The following ANKRD6 variants were observed in gnomAD, a reference collection of about 807,000 sequenced individuals.
The protein encoded by ANKRD6 is ankyrin repeat domain 6.
A neutral mutation model predicts 82.3 loss-of-function variants in ANKRD6; 56 were observed. The observed-to-expected ratio is 0.68, with a 90% CI of 0.55 to 0.85. The LOEUF (loss-of-function observed/expected upper bound fraction) is 0.85, where lower values mean the gene tolerates loss of function less well. ANKRD6 is among the 40% of genes least tolerant of loss of function. The pLI is 0.00. For synonymous variants in ANKRD6, 347 were observed against 352.1 expected, an observed-to-expected ratio of 0.99 and a Z score of 0.16; for missense variants, 852 against 907.6, an observed-to-expected ratio of 0.94 and a Z score of 0.79.
At chr6:89,499,334 C>CT (rs1779004904) in intron 1 of ANKRD6, among the ~76,000 whole-genome samples, 2 of 152,182 alleles carry the variant, frequency 1.3e-5, no homozygotes, top group Non-Finnish European at 2.9e-5. Context: ...AAAGAAGCCT[C>CT]TATTTTGTGA....
At chr6:89,588,236 C>A (rs554652272) in intron 2 of ANKRD6, among the ~76,000 whole-genome samples, 3 of 152,326 alleles carry the variant, frequency 2.0e-5, no homozygotes, top group African/African-American at 7.2e-5. Context: ...GAATTCATTT[C>A]ATCTCTTCAG....
chr6:89,481,451 A>AC (rs1200126647), intron 1 of ANKRD6, among the ~76,000 whole-genome samples: 7 of 148,254 alleles, frequency 4.7e-5, no homozygotes, highest in Non-Finnish European at 9.0e-5. Context: ...ATATTCCCCA[A>AC]CCCCCCAAAA....
intron 1 of ANKRD6, among the ~76,000 whole-genome samples, chr6:89,467,698 C>G (rs1483596764): frequency 6.6e-6 from 1 of 152,126 alleles, no homozygotes; most frequent in Non-Finnish European, 1.5e-5. Context: ...GCAGCAGTTC[C>G]AAAAGATTTA....
intron 3 of ANKRD6, chr6:89,602,050 G>T (rs1199907802): frequency 6.6e-6 from 1 of 152,184 alleles, no homozygotes; most frequent in African/African-American, 2.4e-5. Flanking sequence ...CACACCTGAG[G>T]TCCAGCAGGG....
chr6:89,547,625 T>A (rs1415315029), intron 1 of ANKRD6, among the ~76,000 whole-genome samples: 1 of 152,174 alleles, frequency 6.6e-6, no homozygotes, highest in Admixed American at 6.5e-5. Context: ...GTTTCTCTGC[T>A]TGTGGATATT....
rs1183702786 is a variant in ANKRD6 at position 89,596,644 on chromosome 6, A to T, written c.219+630A>T. Among the ~76,000 whole-genome samples the T allele has an allele frequency of 6.6e-5, 10 of 152,274 alleles. No individual in the cohort carries two copies. The South Asian group carries it at 1.4e-3, about 22-fold the overall frequency. ...CTGAGTCTATTCATTCAGGTTATCT[A>T]GAGATGGACTCTGATTGGCTCCTCT... On this transcript the variant is annotated intron_variant, in intron 3 of 15. Transcript: ENST00000339746.
At chr6:89,578,846 G>A (rs1176607436) in intron 2 of ANKRD6, among the ~76,000 whole-genome samples, 1 of 152,154 alleles carries the variant, frequency 6.6e-6, no homozygotes, top group African/African-American at 2.4e-5. Flanking sequence ...CAAAGAAGTA[G>A]TAGGTGCTAG....
At chr6:89,538,396 T>A (rs1207534001) in intron 1 of ANKRD6, among the ~76,000 whole-genome samples, 1 of 152,190 alleles carries the variant, frequency 6.6e-6, no homozygotes, top group Non-Finnish European at 1.5e-5. Context: ...TCCAAGCACA[T>A]GAGCATCATC....
chr6:89,472,744 C>T (rs1393410493), intron 1 of ANKRD6, among the ~76,000 whole-genome samples: 5 of 152,068 alleles, frequency 3.3e-5, no homozygotes, highest in Non-Finnish European at 7.4e-5. Context: ...CTGCCTTGGC[C>T]CTGTGAACTG....
chr6:89,442,684 G>A (rs999181251), intron 1 of ANKRD6, among the ~76,000 whole-genome samples: 2 of 151,178 alleles, frequency 1.3e-5, no homozygotes, highest in African/African-American at 2.4e-5. Context: ...TGTGAGGTGT[G>A]TATTGGTTTG....
intron 1 of ANKRD6, among the ~76,000 whole-genome samples, chr6:89,519,613 T>C (rs377154757): frequency 6.6e-6 from 1 of 152,200 alleles, no homozygotes; most frequent in African/African-American, 2.4e-5. Context: ...AAGTAGGCAG[T>C]TGGCTATTTG....
intron 1 of ANKRD6, among the ~76,000 whole-genome samples, chr6:89,471,939 C>CA (rs749607605): frequency 0.56 from 29,616 of 52,680 alleles, 9,022 homozygotes; most frequent in East Asian, 0.8. Context: ...AACTCCATCT[C>CA]AAAAAAAAAA....
At chr6:89,598,994 C>T (rs1322178862) in intron 3 of ANKRD6, among the ~76,000 whole-genome samples, 4 of 152,146 alleles carry the variant, frequency 2.6e-5, no homozygotes, top group Non-Finnish European at 5.9e-5. Flanking sequence ...CTGGTCCAAG[C>T]ATGCTGTCCT....
chr6:89,468,768 G>C (rs1290637244), intron 1 of ANKRD6, among the ~76,000 whole-genome samples: 2 of 152,040 alleles, frequency 1.3e-5, no homozygotes, highest in African/African-American at 2.4e-5. Context: ...AGAATTTTTA[G>C]TAGTATTTTG....
chr6:89,580,938 C>T (rs1792377426), intron 2 of ANKRD6, among the ~76,000 whole-genome samples: 1 of 152,032 alleles, frequency 6.6e-6, no homozygotes, highest in Admixed American at 6.6e-5. Flanking sequence ...CATGCTCCTT[C>T]CAAAGGACCC....
chr6:89,550,084 C>G (rs1785632266), intron 1 of ANKRD6, among the ~76,000 whole-genome samples: 1 of 151,766 alleles, frequency 6.6e-6, no homozygotes, highest in Admixed American at 6.6e-5. Flanking sequence ...CAATGAGATT[C>G]AGTCTTTAAA....
chr6:89,606,567 C>CT (rs1798676424), intron 5 of ANKRD6, among the ~76,000 whole-genome samples: 1 of 152,058 alleles, frequency 6.6e-6, no homozygotes, highest in African/African-American at 2.4e-5. Context: ...TAAAATGGTC[C>CT]TTTTTTGGCC....
At chr6:89,496,453 CAGG>C (rs2127863732) in intron 1 of ANKRD6, among the ~76,000 whole-genome samples, 1 of 152,244 alleles carries the variant, frequency 6.6e-6, no homozygotes, top group Admixed American at 6.6e-5. Flanking sequence ...GGACCAGGCC[CAGG>C]AAGTCTGTCT....
At chr6:89,566,294 A>G (rs1788509455) in intron 1 of ANKRD6, among the ~76,000 whole-genome samples, 1 of 152,218 alleles carries the variant, frequency 6.6e-6, no homozygotes, top group Admixed American at 6.5e-5. Flanking sequence ...TACACTATTT[A>G]CGGTGAAAAA....
Sources: allele counts gnomAD v4.1 joint callset (sites outside exome capture counted in the v4.1 genomes callset), GRCh38; gene constraint gnomAD v4.1.1; transcripts MANE v1.5; gene names NCBI Gene and HGNC (gene_info 2026-07-23, HGNC 2026-07-21).